DCAF4: variants seen among roughly 807,000 people sequenced by gnomAD.
The protein encoded by DCAF4 is DDB1- and CUL4-associated factor 4.
A neutral mutation model predicts 60.9 loss-of-function variants in DCAF4; 37 were observed. The ratio of observed to expected loss-of-function variants is 0.61; its 90% confidence interval spans 0.47 to 0.80. The LOEUF (loss-of-function observed/expected upper bound fraction) is 0.80, where lower values mean the gene tolerates loss of function less well. DCAF4 is among the 30% of genes least tolerant of loss of function. The pLI, the probability that DCAF4 is intolerant of heterozygous loss-of-function variation, is 0.00. For missense variants in DCAF4, 577 were observed against 650.0 expected (o/e 0.89, Z 1.22); for synonymous variants, 243 against 254.8 (o/e 0.95, Z 0.44).
intron 1 of DCAF4, among the ~76,000 whole-genome samples, chr14:72,937,410 C>CTT (rs11288108): frequency 0.22 from 23,084 of 105,580 alleles, 3,243 homozygotes; most frequent in Non-Finnish European, 0.3. Flanking sequence ...TTTTTCTTTT[C>CTT]TTTTTTTTTT....
chr14:72,949,221 G>T (rs76342307), intron 8 of DCAF4, among the ~76,000 whole-genome samples: 3,102 of 152,272 alleles, frequency 0.02, 48 homozygotes, highest in Non-Finnish European at 0.03. Flanking sequence ...GGCCAAAGTT[G>T]GGGGATTGCT....
chr14:72,941,192 C>T (rs1889998229), intron 4 of DCAF4, among the ~76,000 whole-genome samples: 1 of 152,148 alleles, frequency 6.6e-6, no homozygotes, highest in South Asian at 2.1e-4. Context: ...TCTCGAACTC[C>T]TGGCCTCAAG....
rs1472750789 is a variant in DCAF4, at chr14:72,958,703, C to T, written c.1386C>T (p.Asp462=). Residue 462 remains aspartate, a synonymous_variant, in exon 14 of 14, where the codon GAC becomes GAT. Coordinates refer to ENST00000358377, the MANE Select transcript of DCAF4 (RefSeq NM_015604.4). ...CCCCGTACCCTGCCTCCAAGGCCGA[C>T]ATTCCCAGTGTGGCCTTCTCGTCGC... ...IPSPYPASKA[D]IPSVAFSSRL... The T allele has an allele frequency of 1.2e-6, 2 of 1,614,152 alleles. No individual in the cohort carries two copies. Among genetic ancestry groups the T allele is most frequent in the South Asian group, 2.2e-5 (2 of 91,064 alleles).
intron 1 of DCAF4, among the ~76,000 whole-genome samples, chr14:72,931,269 T>TC (rs1252129998): frequency 6.6e-6 from 1 of 150,478 alleles, no homozygotes; most frequent in Non-Finnish European, 1.5e-5. Flanking sequence ...TTCTCTTTTT[T>TC]TTTTTTTTTT....
chr14:72,936,510 G>A (rs1889290784), intron 1 of DCAF4, among the ~76,000 whole-genome samples: 1 of 150,922 alleles, frequency 6.6e-6, no homozygotes, highest in East Asian at 1.9e-4. Context: ...GTTGCAGTGA[G>A]CTGAGATGGC....
chr14:72,939,959 C>G lies in DCAF4; in HGVS notation c.193+57C>G, dbSNP rs573847558. ...CCTTGCACACAGGGAAGGCTGAGAC[C>G]CGTTCCTGGCTTGGAAGGAATTCCA... On this transcript the variant is annotated intron_variant, in intron 3 of 13. Transcript: ENST00000358377. 4 of 1,471,092 alleles carry G rather than the reference C, an allele frequency of 2.7e-6. No individual in the cohort carries two copies. In the African/African-American group the frequency reaches 4.3e-5, roughly 16 times the overall value. The allele number at this position is 1,471,092 out of a possible 1,614,324, so 91.1% of individuals were successfully genotyped here. A position where few individuals can be genotyped will look rare whatever the true frequency, so the allele number is the denominator to read the frequency against.
intron 8 of DCAF4, among the ~76,000 whole-genome samples, chr14:72,948,336 C>T (rs1891003308): frequency 6.6e-6 from 1 of 152,132 alleles, no homozygotes; most frequent in Non-Finnish European, 1.5e-5. Context: ...TGTAGGTATG[C>T]ACCACCACAC....
In DCAF4 at chr14:72,940,217, A is replaced by G. The variant is rs193096472; in HGVS notation, c.194-3A>G. ...TTGGTGCATTTAATTTTTTTGTCTA[A>G]AGAGCTACCTGGGTTTTACTTTGAC... On this transcript the variant is annotated splice_polypyrimidine_tract_variant and splice_region_variant and intron_variant, in intron 3 of 13. Transcript: ENST00000358377. 6.2e-7 allele frequency: 1 copy of G among 1,613,602 alleles called. No individual in the cohort carries two copies. Among genetic ancestry groups the G allele is most frequent in the East Asian group, 2.2e-5 (1 of 44,864 alleles).
intron 1 of DCAF4, chr14:72,929,589 A>T: frequency 3.1e-6 from 3 of 953,636 alleles, no homozygotes; most frequent in Non-Finnish European, 5.0e-6. Flanking sequence ...TCTTTATTTC[A>T]GGAAGAGGGC....
intron 5 of DCAF4, 72 bp from the exon 6 acceptor site, chr14:72,942,915 CAGGGAAG>C: frequency 7.6e-7 from 1 of 1,311,080 alleles, no homozygotes; most frequent in East Asian, 2.4e-5. Flanking sequence ...GTCAGCGGGG[CAGGGAAG>C]GCCAGAGACC....
At chr14:72,927,705 A>ATCCC (rs1887809424) in intron 1 of DCAF4, among the ~76,000 whole-genome samples, 1 of 152,122 alleles carries the variant, frequency 6.6e-6, no homozygotes, top group Admixed American at 6.5e-5. Context: ...CAGAGGTGGA[A>ATCCC]TCCCTGTTCC....
chr14:72,961,539 G>A (rs570276693), downstream of DCAF4, among the ~76,000 whole-genome samples: 13 of 152,234 alleles, frequency 8.5e-5, no homozygotes, highest in African/African-American at 2.9e-4. Context: ...CTCATTTCTC[G>A]TGGGAGAAAG....
chr14:72,937,685 C>T (rs562235781), intron 1 of DCAF4, among the ~76,000 whole-genome samples: 10 of 152,264 alleles, frequency 6.6e-5, no homozygotes, highest in African/African-American at 2.2e-4. Flanking sequence ...TCCCAAAGTG[C>T]TGGGATTACA....
chr14:72,929,631 G>C, intron 1 of DCAF4: 1 of 1,245,798 alleles, frequency 8.0e-7, no homozygotes, highest in Middle Eastern at 2.7e-4. Context: ...CTTGGCAGCG[G>C]CTTTCCTCAT....
intron 1 of DCAF4, among the ~76,000 whole-genome samples, chr14:72,928,999 A>G (rs1249735345): frequency 1.3e-5 from 2 of 152,024 alleles, no homozygotes; most frequent in African/African-American, 4.8e-5. Context: ...GCCAGCCCCG[A>G]TGTGTGCGGG....
intron 13 of DCAF4, 73 bp downstream of exon 13, chr14:72,956,573 C>A: frequency 6.9e-7 from 1 of 1,445,416 alleles, no homozygotes; most frequent in Non-Finnish European, 9.5e-7. Context: ...GCAACTTCAG[C>A]AGCAGAGGGA....
At chr14:72,951,219 G>A (rs1223024212) in intron 8 of DCAF4, among the ~76,000 whole-genome samples, 1 of 152,066 alleles carries the variant, frequency 6.6e-6, no homozygotes, top group African/African-American at 2.4e-5. Context: ...GGACTCGAGT[G>A]ATCCTCCTGC....
intron 1 of DCAF4, among the ~76,000 whole-genome samples, chr14:72,932,854 CCATCA>C (rs1888743546): frequency 6.6e-6 from 1 of 152,058 alleles, no homozygotes; most frequent in South Asian, 2.1e-4. Flanking sequence ...CAAGTGTGAG[CCATCA>C]CACCCAGCTG....
intron 5 of DCAF4, 130 bp downstream of exon 5, chr14:72,941,954 C>G: frequency 1.1e-6 from 1 of 901,884 alleles, no homozygotes; most frequent in Admixed American, 2.4e-5. Context: ...AGTTGAGGGG[C>G]TCCAGTTCAC....
Sources: allele counts gnomAD v4.1 joint callset (sites outside exome capture counted in the v4.1 genomes callset), GRCh38; gene constraint gnomAD v4.1.1; transcripts MANE v1.5; gene names NCBI Gene and HGNC (gene_info 2026-07-23, HGNC 2026-07-21).